The following GGH variants were observed in gnomAD, a reference collection of about 807,000 sequenced individuals.
GGH encodes the protein gamma-glutamyl hydrolase.
Under a neutral mutation model 39.2 loss-of-function variants are expected in GGH, and 18 were observed. That is an observed-to-expected ratio of 0.46 (90% CI 0.32 to 0.68). The LOEUF (loss-of-function observed/expected upper bound fraction) is 0.68, where lower values mean the gene tolerates loss of function less well. Among genes scored for constraint, GGH ranks in the 30% least tolerant of loss-of-function variants. The pLI is 0.04. For synonymous variants in GGH, 147 were observed against 138.8 expected (o/e 1.06, Z -0.42); for missense variants, 367 against 384.1 (o/e 0.96, Z 0.37).
intron 7 of GGH, chr8:63,023,632 T>C (rs1162412835): frequency 4.5e-6 from 1 of 222,360 alleles, no homozygotes; most frequent in Non-Finnish European, 8.7e-6. Flanking sequence ...TAATCTGCAA[T>C]ATTGCTAGAA....
At chr8:63,027,118 G>A (rs1210870895) in intron 4 of GGH, 63 bp downstream of exon 4, 9 of 816,006 alleles carry the variant, frequency 1.1e-5, no homozygotes, top group African/African-American at 3.4e-5. Context: ...CTTAAAAAAT[G>A]AACCACTCGC....
At chr8:63,037,410 C>A (rs1804932603) in intron 1 of GGH, among the ~76,000 whole-genome samples, 1 of 152,078 alleles carries the variant, frequency 6.6e-6, no homozygotes, top group African/African-American at 2.4e-5. Context: ...CAACATCTCC[C>A]CTTCCCCTGG....
At chr8:63,021,588 A>C (rs967817822) in intron 7 of GGH, among the ~76,000 whole-genome samples, 9 of 151,606 alleles carry the variant, frequency 5.9e-5, no homozygotes, top group African/African-American at 1.9e-4. Flanking sequence ...CAGAAATTAC[A>C]CTGAGCAACT....
At chr8:63,015,545 T>A in intron 8 of GGH, 92 bp from the exon 9 acceptor site, 1 of 720,936 alleles carries the variant, frequency 1.4e-6, no homozygotes, top group Non-Finnish European at 2.2e-6. Flanking sequence ...TCAGCATTAT[T>A]AAGTGGGAAA....
chr8:63,031,865 C>G (rs930602206), intron 2 of GGH, among the ~76,000 whole-genome samples: 1 of 152,120 alleles, frequency 6.6e-6, no homozygotes, highest in Admixed American at 6.5e-5. Context: ...TTAACTGTAA[C>G]GAAATGGCTT....
chr8:63,017,622 A>G lies in GGH; in HGVS notation c.706T>C (p.Tyr236His), dbSNP rs764568305. ...TGCCACTGGACACCATATACTGGAT[A>G]CTTATATCCTGTAAGAAGAACACAA... is the stretch of plus-strand genomic sequence containing the variant. Reference protein sequence around the residue: ...EFISTMEGYKYPVYGVQWHPE... With the variant: ...EFISTMEGYKHPVYGVQWHPE... The change falls in exon 8 of 9, where the codon TAT becomes CAT. Residue 236 changes from tyrosine (Y) to histidine (H), a missense_variant. Physicochemically the swap from Tyr to His is moderately conservative, Grantham distance 83. Coordinates refer to ENST00000260118, the MANE Select transcript of GGH (RefSeq NM_003878.3). The G allele has an allele frequency of 1.3e-6, 2 of 1,579,128 alleles. No homozygotes were observed. Among genetic ancestry groups the G allele is most frequent in the Non-Finnish European group, 1.7e-6 (2 of 1,157,462 alleles).
intron 2 of GGH, 132 bp from the exon 3 acceptor site, chr8:63,030,349 T>C (rs1804779816): frequency 1.8e-6 from 1 of 557,204 alleles, no homozygotes; most frequent in Non-Finnish European, 3.3e-6. Flanking sequence ...ACCTCTCTAC[T>C]TTTCTAGAGG....
intron 3 of GGH, 56 bp from the exon 4 acceptor site, chr8:63,027,321 C>T: frequency 1.3e-6 from 1 of 796,322 alleles, no homozygotes; most frequent in Non-Finnish European, 2.2e-6. Flanking sequence ...CCGACCCATA[C>T]ACACACAGAA....
chr8:63,035,674 G>T lies in GGH; in HGVS notation c.206C>A (p.Ala69Glu). 1 of 1,606,514 alleles carries T rather than the reference G, an allele frequency of 6.2e-7. No homozygotes were observed. The highest frequency in any genetic ancestry group is 8.5e-7 in the Non-Finnish European group (1 of 1,177,764). ...ATCATACCTTACTGGTACAACTCTC[G>T]CACCTGCAGACTCCAAGTACTTTAC... is the stretch of plus-strand genomic sequence containing the variant. Reference protein sequence around the residue: ...SYVKYLESAGARVVPVRLDLT... With the variant: ...SYVKYLESAGERVVPVRLDLT... The change falls in exon 2 of 9, where the codon GCG becomes GAG. Residue 69 changes from alanine (A) to glutamate (E), a missense_variant. By Grantham distance (107) the Ala-to-Glu change is moderately radical (BLOSUM62 -1). Transcript: ENST00000260118.
At chr8:63,027,733 G>C (rs896909259) in intron 3 of GGH, among the ~76,000 whole-genome samples, 2 of 152,008 alleles carry the variant, frequency 1.3e-5, no homozygotes, top group African/African-American at 4.8e-5. Context: ...ATTTAAGCTA[G>C]AATTAAATTT....
At chr8:63,017,217 CAA>C in intron 8 of GGH, 2 of 286,448 alleles carry the variant, frequency 7.0e-6, no homozygotes, top group East Asian at 6.9e-5. Flanking sequence ...AAAAAGAAAC[CAA>C]AAAAAAAACT....
In GGH at chr8:63,036,957, T is replaced by G. The variant is rs531397419; in HGVS notation, c.110-1187A>C. Among the ~76,000 whole-genome samples the G allele has an allele frequency of 5.3e-5, 8 of 152,246 alleles. No individual in the cohort carries two copies. The South Asian group carries it at 1.7e-3, about 32-fold the overall frequency. The stretch of plus-strand genomic sequence containing the variant: ...CCCCACCCATCTCTCTGGCCTCCTT[T>G]TACCAGTGAAACCCAGCCCCAGCAG... On this transcript the variant is annotated intron_variant, in intron 1 of 8. Coordinates refer to ENST00000260118, the MANE Select transcript of GGH (RefSeq NM_003878.3).
At chr8:63,032,024 GT>G (rs1804815541) in intron 2 of GGH, among the ~76,000 whole-genome samples, 1 of 152,068 alleles carries the variant, frequency 6.6e-6, no homozygotes, top group African/African-American at 2.4e-5. Flanking sequence ...CTCTTATAAA[GT>G]TTGATTTGTG....
At chr8:63,017,023 T>C (rs1804497710) in intron 8 of GGH, among the ~76,000 whole-genome samples, 3 of 152,146 alleles carry the variant, frequency 2.0e-5, no homozygotes, top group Admixed American at 2.0e-4. Flanking sequence ...GAATCTAAAT[T>C]AAAAGTATCC....
chr8:63,038,735 C>T lies in GGH; in HGVS notation c.34G>A (p.Gly12Ser). The change falls in exon 1 of 9, where the codon GGC (glycine) becomes AGC (serine). Residue 12 changes from glycine (G) to serine (S), a missense_variant. Physicochemically the swap from Gly to Ser is moderately conservative, Grantham distance 56 (BLOSUM62 0). Coordinates refer to ENST00000260118, the MANE Select transcript of GGH (RefSeq NM_003878.3). ...CTCGCCGCCCCGCAGAGTAGCAGGC[C>T]CAGCACGCACAGCAGGCAGCCCGGA... ...ASPGCLLCVL[G>S]LLLCGAASLE... is the part of the protein sequence containing the mutation. 6.3e-7 allele frequency: 1 copy of T among 1,581,836 alleles called. No homozygotes were observed. Among genetic ancestry groups the T allele is most frequent in the Non-Finnish European group, 8.6e-7 (1 of 1,165,966 alleles).
rs529431081 is a variant in GGH, at chr8:63,016,274, G to A, written c.836-821C>T. Among the ~76,000 whole-genome samples, 11 of 152,088 alleles carry A rather than the reference G, an allele frequency of 7.2e-5. No individual in the cohort carries two copies. The East Asian group carries it at 7.7e-4, about 11-fold the overall frequency. Reference sequence around the variant, plus strand: ...CCACTGCTGCCCTCATTCACTCCACGCACTCATGAAAATGTTCCTTTGGAC... The same window carrying A: ...CCACTGCTGCCCTCATTCACTCCACACACTCATGAAAATGTTCCTTTGGAC... On this transcript the variant is annotated intron_variant, in intron 8 of 8. Transcript: ENST00000260118.
In GGH at chr8:63,017,657, T is replaced by C. The variant is rs370041537; in HGVS notation, c.698-27A>G. 4.9e-6 allele frequency: 7 copies of C among 1,417,860 alleles called. No homozygotes were observed. The African/African-American group carries it at 8.7e-5, about 18-fold the overall frequency. 87.8% of individuals were successfully genotyped at this position (1,417,860 alleles called of 1,614,324 possible). ...TGTAAGAAGAACACAAATTAGTAAG[T>C]ACTAAGAATGGTTTAAAATGTTACT... On this transcript the variant is annotated intron_variant, in intron 7 of 8. Transcript: ENST00000260118.
At chr8:63,019,694 C>A (rs1476828146) in intron 7 of GGH, among the ~76,000 whole-genome samples, 1 of 152,228 alleles carries the variant, frequency 6.6e-6, no homozygotes, top group African/African-American at 2.4e-5. Context: ...TTCAGAAAGT[C>A]AGCCAAAGCT....
intron 4 of GGH, chr8:63,026,854 T>G: frequency 1.2e-5 from 3 of 253,720 alleles, no homozygotes; most frequent in Non-Finnish European, 2.2e-5. Context: ...AGGTGAGAAT[T>G]AATAACATAG....
Sources: gnomAD v4.1 joint callset for allele counts (sites outside exome capture counted in the v4.1 genomes callset) on GRCh38, gnomAD v4.1.1 for gene constraint, MANE v1.5 for transcripts, NCBI Gene and HGNC (gene_info 2026-07-23, HGNC 2026-07-21) for gene names.